DLGAP2: variants seen among roughly 807,000 people sequenced by gnomAD.
DLGAP2 encodes DLG associated protein 2.
Under a neutral mutation model 100.3 loss-of-function variants are expected in DLGAP2, and 26 were observed. That is an observed-to-expected ratio of 0.26 (90% CI 0.19 to 0.36). The LOEUF is 0.36. Among genes scored for constraint, DLGAP2 ranks in the 10% least tolerant of loss-of-function variants. The pLI, the probability that DLGAP2 is intolerant of heterozygous loss-of-function variation, is 1.00. For synonymous variants in DLGAP2, 886 were observed against 630.1 expected (o/e 1.41, Z -6.08); for missense variants, 1,858 against 1,453.2 (o/e 1.28, Z -4.53).
At chr8:1,573,618 A>AAC (rs34045102) in intron 6 of DLGAP2, among the ~76,000 whole-genome samples, 53,741 of 151,984 alleles carry the variant, frequency 0.35, 10,344 homozygotes, top group East Asian at 0.52. Flanking sequence ...GTATGCAGGA[A>AAC]ACATCACGTG....
chr8:1,382,917 G>A (rs1051625608), intron 3 of DLGAP2, among the ~76,000 whole-genome samples: 22 of 152,316 alleles, frequency 1.4e-4, no homozygotes, highest in Middle Eastern at 3.4e-3. Context: ...TACAAAGTGT[G>A]TGTGTGCGTG....
intron 1 of DLGAP2, among the ~76,000 whole-genome samples, chr8:883,700 C>T (rs1406030741): frequency 1.3e-5 from 2 of 151,966 alleles, no homozygotes; most frequent in South Asian, 2.1e-4. Flanking sequence ...TACGTAGGTG[C>T]GCGTGTGCCG....
intron 2 of DLGAP2, among the ~76,000 whole-genome samples, chr8:1,140,170 C>T (rs549981656): frequency 6.6e-6 from 1 of 152,168 alleles, no homozygotes; most frequent in Non-Finnish European, 1.5e-5. Context: ...AGGCCCATGT[C>T]GTAGCGGGGA....
chr8:1,036,117 T>C (rs1269398224), intron 2 of DLGAP2, among the ~76,000 whole-genome samples: 14 of 132,332 alleles, frequency 1.1e-4, no homozygotes, highest in African/African-American at 4.1e-4. Flanking sequence ...CGCGAGTGGA[T>C]TCACACGCTC....
chr8:821,999 A>T, intron 1 of DLGAP2: 1 of 396,874 alleles, frequency 2.5e-6, no homozygotes, highest in Admixed American at 4.4e-5. Flanking sequence ...GCTTAGTCTC[A>T]CTTTTTAATG....
At chr8:1,408,243 C>T (rs1443870835) in intron 3 of DLGAP2, among the ~76,000 whole-genome samples, 1 of 152,236 alleles carries the variant, frequency 6.6e-6, no homozygotes, top group Non-Finnish European at 1.5e-5. Flanking sequence ...CCAACTCATT[C>T]TCCACTTTCC....
chr8:888,292 C>G (rs1161306034), intron 1 of DLGAP2, among the ~76,000 whole-genome samples: 3 of 152,166 alleles, frequency 2.0e-5, no homozygotes, highest in Non-Finnish European at 2.9e-5. Context: ...AACCTTTTAT[C>G]AAGGTTCTTA....
intron 2 of DLGAP2, among the ~76,000 whole-genome samples, chr8:1,234,265 G>T (rs75477361): frequency 6.6e-6 from 1 of 152,182 alleles, no homozygotes; most frequent in Admixed American, 6.5e-5. Flanking sequence ...AGGAATGCAC[G>T]TCTCACCGCT....
intron 2 of DLGAP2, among the ~76,000 whole-genome samples, chr8:1,195,578 T>C (rs902728796): frequency 2.0e-5 from 3 of 152,230 alleles, no homozygotes; most frequent in Admixed American, 1.3e-4. Context: ...TAAAAACATA[T>C]AATTCTTAAT....
chr8:757,276 T>C (rs1390835757), intron 1 of DLGAP2, among the ~76,000 whole-genome samples: 2 of 152,174 alleles, frequency 1.3e-5, no homozygotes, highest in Non-Finnish European at 2.9e-5. Context: ...TTTACATTTA[T>C]AGAATATGTA....
intron 6 of DLGAP2, among the ~76,000 whole-genome samples, chr8:1,623,832 C>G (rs547057995): frequency 6.6e-6 from 1 of 152,244 alleles, no homozygotes; most frequent in African/African-American, 2.4e-5. Context: ...CTGGCGTAAT[C>G]TTGCATAGAA....
At chr8:1,664,788 T>C (rs1259078228) in intron 8 of DLGAP2, among the ~76,000 whole-genome samples, 3 of 152,246 alleles carry the variant, frequency 2.0e-5, no homozygotes, top group African/African-American at 7.2e-5. Flanking sequence ...TGATAATCCC[T>C]GTATCACTGC....
At chr8:1,420,708 C>T (rs1273216043) in intron 3 of DLGAP2, among the ~76,000 whole-genome samples, 1 of 152,162 alleles carries the variant, frequency 6.6e-6, no homozygotes. Flanking sequence ...AGTAAAGCCA[C>T]TGCTGTTTCC....
intron 2 of DLGAP2, among the ~76,000 whole-genome samples, chr8:1,012,091 G>C (rs1028307409): frequency 6.6e-6 from 1 of 152,156 alleles, no homozygotes; most frequent in Non-Finnish European, 1.5e-5. Flanking sequence ...GTCGCAGGAA[G>C]ACCAGACTCT....
chr8:1,196,617 A>T (rs2116744493), intron 2 of DLGAP2, among the ~76,000 whole-genome samples: 1 of 152,348 alleles, frequency 6.6e-6, no homozygotes, highest in Middle Eastern at 3.4e-3. Context: ...AGGCATCTGC[A>T]GGTCGAGGGG....
At chr8:1,207,068 G>C (rs1222887819) in intron 2 of DLGAP2, among the ~76,000 whole-genome samples, 1 of 152,188 alleles carries the variant, frequency 6.6e-6, no homozygotes, top group Non-Finnish European at 1.5e-5. Context: ...GTCCTTCACA[G>C]TGTTACCTAA....
chr8:1,481,114 G>A (rs1227930411), intron 3 of DLGAP2, among the ~76,000 whole-genome samples: 1 of 152,096 alleles, frequency 6.6e-6, no homozygotes, highest in Non-Finnish European at 1.5e-5. Flanking sequence ...GGAGCTTGCA[G>A]TGAGCCAAGA....
intron 2 of DLGAP2, among the ~76,000 whole-genome samples, chr8:1,093,684 G>A (rs1163180109): frequency 2.0e-5 from 3 of 152,048 alleles, no homozygotes; most frequent in Non-Finnish European, 4.4e-5. Flanking sequence ...CCAACAGCCA[G>A]ACAGAAACAA....
At chr8:1,522,723 G>T (rs540638299) in intron 4 of DLGAP2, among the ~76,000 whole-genome samples, 2 of 152,284 alleles carry the variant, frequency 1.3e-5, no homozygotes, top group Non-Finnish European at 2.9e-5. Context: ...ATCAGGAGAC[G>T]GCAGTGACCT....
Sources: gnomAD v4.1 joint callset for allele counts (sites outside exome capture counted in the v4.1 genomes callset) on GRCh38, gnomAD v4.1.1 for gene constraint, MANE v1.5 for transcripts, NCBI Gene and HGNC (gene_info 2026-07-23, HGNC 2026-07-21) for gene names.